Variants in PCDH15 observed in about 807,000 individuals in gnomAD.
PCDH15 encodes protocadherin-15.
Under a neutral mutation model 178.5 loss-of-function variants are expected in PCDH15, and 129 were observed. The ratio of observed to expected loss-of-function variants is 0.72; its 90% CI spans 0.63 to 0.84. PCDH15 has a LOEUF of 0.84. Ranked by LOEUF, PCDH15 falls within the 40% of genes least tolerant of loss-of-function variation. The pLI is 0.00. For synonymous variants in PCDH15, 800 were observed against 732.0 expected (o/e 1.09, Z -1.50); for missense variants, 2,230 against 2,099.9 (o/e 1.06, Z -1.21).
intron 2 of PCDH15, among the ~76,000 whole-genome samples, chr10:55,430,873 T>C (rs1838865840): frequency 6.6e-6 from 1 of 152,148 alleles, no homozygotes; most frequent in Non-Finnish European, 1.5e-5. Flanking sequence ...AGTTTATGTA[T>C]AGAAAAAATG....
intron 1 of PCDH15, among the ~76,000 whole-genome samples, chr10:54,751,595 A>G (rs1337795251): frequency 6.6e-6 from 1 of 152,218 alleles, no homozygotes; most frequent in African/African-American, 2.4e-5. Flanking sequence ...TTGGACAAAT[A>G]GAATTAAATG....
intron 2 of PCDH15, among the ~76,000 whole-genome samples, chr10:54,613,188 T>C (rs1283057889): frequency 1.3e-5 from 2 of 151,854 alleles, no homozygotes; most frequent in African/African-American, 2.4e-5. Flanking sequence ...CTTTAGAAAG[T>C]ACAATTTAGA....
At chr10:54,905,142 C>T (rs1009410974) in intron 2 of PCDH15, among the ~76,000 whole-genome samples, 46 of 152,058 alleles carry the variant, frequency 3.0e-4, no homozygotes, top group African/African-American at 9.6e-4. Context: ...CCTCAAAGTC[C>T]AGATTCTTTC....
intron 2 of PCDH15, among the ~76,000 whole-genome samples, chr10:55,068,293 G>A (rs1841620020): frequency 6.6e-6 from 1 of 151,894 alleles, no homozygotes; most frequent in Admixed American, 6.6e-5. Context: ...TGGGAGATAG[G>A]GGTCTAGTTT....
intron 3 of PCDH15, among the ~76,000 whole-genome samples, chr10:54,402,225 C>T (rs1245961132): frequency 1.3e-5 from 2 of 151,782 alleles, no homozygotes; most frequent in Non-Finnish European, 2.9e-5. Context: ...AAAGTAACTT[C>T]CTCAATCTGA....
intron 2 of PCDH15, among the ~76,000 whole-genome samples, chr10:55,613,315 G>C (rs1262566712): frequency 1.3e-5 from 2 of 151,990 alleles, no homozygotes; most frequent in African/African-American, 4.8e-5. Flanking sequence ...TGTGATCCAG[G>C]CTTCCTAGGT....
At chr10:54,793,640 T>A (rs946702743) in intron 1 of PCDH15, among the ~76,000 whole-genome samples, 6 of 149,462 alleles carry the variant, frequency 4.0e-5, no homozygotes, top group Admixed American at 1.3e-4. Flanking sequence ...TAGCCATAAT[T>A]TATATATGTA....
chr10:54,816,900 T>C (rs1279199051), intron 3 of PCDH15, among the ~76,000 whole-genome samples: 5 of 152,012 alleles, frequency 3.3e-5, no homozygotes, highest in Non-Finnish European at 7.4e-5. Context: ...TCCTCTTACT[T>C]CATGAACTTC....
In PCDH15 at chr10:53,938,425, C is replaced by T. The variant is rs142107930; in HGVS notation, c.3373+390G>A. Among the ~76,000 whole-genome samples the T allele has an allele frequency of 9.0e-3, 1,361 of 151,944 alleles. 22 individuals carry two copies. Among genetic ancestry groups the T allele is most frequent in the African/African-American group, 0.03 (1,224 of 41,434 alleles). On this transcript the variant is annotated intron_variant, in intron 25 of 37. Coordinates refer to ENST00000644397, the MANE Select transcript of PCDH15 (RefSeq NM_001384140.1). Reference sequence around the variant, plus strand: ...ATTTTAAGATGATTTTTTCTTTTCTCGAAGAAAATATGTAAATACAAGAAG... The same window carrying T: ...ATTTTAAGATGATTTTTTCTTTTCTTGAAGAAAATATGTAAATACAAGAAG...
chr10:54,328,308 C>A (rs763386901), intron 7 of PCDH15, among the ~76,000 whole-genome samples: 1 of 151,896 alleles, frequency 6.6e-6, no homozygotes, highest in Non-Finnish European at 1.5e-5. Flanking sequence ...CTTTTTATAT[C>A]TTTATGCCTC....
rs548314886 is a variant in PCDH15 at position 54,076,997 on chromosome 10, G to A, written c.2091+2334C>T. On this transcript the variant is annotated intron_variant, in intron 17 of 37. Coordinates refer to ENST00000644397, the MANE Select transcript of PCDH15 (RefSeq NM_001384140.1). ...ATTACTAAATATTTAGATAAGAAAAGTGCTATTAAGACGTGAGAATATTAT... is the reference window on the plus strand; with the variant it reads ...ATTACTAAATATTTAGATAAGAAAAATGCTATTAAGACGTGAGAATATTAT... Among the ~76,000 whole-genome samples the A allele has an allele frequency of 2.8e-4, 42 of 152,156 alleles. No individual in the cohort carries two copies. The East Asian group carries it at 6.6e-3, about 24-fold the overall frequency.
At chr10:55,356,974 C>A (rs774402484) in intron 2 of PCDH15, among the ~76,000 whole-genome samples, 1 of 151,752 alleles carries the variant, frequency 6.6e-6, no homozygotes, top group African/African-American at 2.4e-5. Flanking sequence ...GTTCTGCAGG[C>A]AATTTAAAAA....
chr10:54,180,939 ATTAAC>A (rs2047930689), intron 13 of PCDH15, among the ~76,000 whole-genome samples: 1 of 152,214 alleles, frequency 6.6e-6, no homozygotes. Flanking sequence ...CATAAGGGAA[ATTAAC>A]TTTTGTAGAC....
At chr10:54,294,018 C>T (rs1018693655) in intron 8 of PCDH15, among the ~76,000 whole-genome samples, 8 of 152,080 alleles carry the variant, frequency 5.3e-5, no homozygotes, top group East Asian at 1.9e-4. Context: ...CACATGCACA[C>T]GTATGTTTAT....
At chr10:53,821,210 C>T (rs1469321125) in intron 32 of PCDH15, 1 of 964,700 alleles carries the variant, frequency 1.0e-6, no homozygotes, top group Non-Finnish European at 1.2e-6. Flanking sequence ...AATCCATAAG[C>T]ATACTACTAA....
At chr10:54,232,715 T>G (rs2054196337) in intron 9 of PCDH15, among the ~76,000 whole-genome samples, 1 of 152,160 alleles carries the variant, frequency 6.6e-6, no homozygotes, top group Non-Finnish European at 1.5e-5. Context: ...CTAAGCTAAA[T>G]AGAAGGTCCT....
chr10:54,080,965 A>T (rs772032039), intron 16 of PCDH15, among the ~76,000 whole-genome samples: 4 of 152,192 alleles, frequency 2.6e-5, no homozygotes, highest in Non-Finnish European at 4.4e-5. Flanking sequence ...TGGTATAATA[A>T]GAGAAAGAAA....
chr10:54,395,475 G>T (rs534424124), intron 3 of PCDH15, among the ~76,000 whole-genome samples: 1 of 147,970 alleles, frequency 6.8e-6, no homozygotes, highest in African/African-American at 2.5e-5. Flanking sequence ...ACTAAATATT[G>T]TTAAGTTCTT....
At chr10:54,524,092 T>A (rs1240867449) in intron 3 of PCDH15, among the ~76,000 whole-genome samples, 1 of 152,136 alleles carries the variant, frequency 6.6e-6, no homozygotes, top group East Asian at 1.9e-4. Flanking sequence ...CACAAGCAAC[T>A]CACTCCCCAA....
Sources: allele counts gnomAD v4.1 joint callset (sites outside exome capture counted in the v4.1 genomes callset), GRCh38; gene constraint gnomAD v4.1.1; transcripts MANE v1.5; gene names NCBI Gene and HGNC (gene_info 2026-07-23, HGNC 2026-07-21).